Variants in RHCE observed in about 807,000 individuals in gnomAD.
RHCE encodes the protein Rh blood group CcEe antigens, also known as blood group Rh(CE) polypeptide.
A neutral mutation model predicts 43.8 loss-of-function variants in RHCE; 22 were observed. The ratio of observed to expected loss-of-function variants is 0.50; its 90% CI spans 0.36 to 0.72. The LOEUF (loss-of-function observed/expected upper bound fraction) is 0.72, where lower values mean the gene tolerates loss of function less well. Among genes scored for constraint, RHCE ranks in the 30% least tolerant of loss-of-function variants. The probability of loss-of-function intolerance (pLI) is 0.00; values close to 1 mark genes in which losing one functional copy is unlikely to be tolerated. For missense variants in RHCE, 385 were observed against 525.4 expected (o/e 0.73, Z 2.61); for synonymous variants, 156 against 210.7 (o/e 0.74, Z 2.25).
chr1:25,426,332 G>A (rs1480402880), intron 2 of RHCE, among the ~76,000 whole-genome samples: 1 of 152,174 alleles, frequency 6.6e-6, no homozygotes, highest in African/African-American at 2.4e-5. Context: ...ACAAAAATGG[G>A]ATTACACAGC....
chr1:25,406,771 G>A (rs1259658793), intron 2 of RHCE, among the ~76,000 whole-genome samples: 1 of 119,278 alleles, frequency 8.4e-6, no homozygotes, highest in African/African-American at 2.6e-5. Flanking sequence ...GACTACAGGC[G>A]CCCGCCACCA....
intron 4 of RHCE, among the ~76,000 whole-genome samples, chr1:25,391,325 C>T (rs1305514206): frequency 2.0e-5 from 3 of 152,206 alleles, no homozygotes; most frequent in South Asian, 2.1e-4. Flanking sequence ...GCTGGGATTA[C>T]AGGCGTGCAC....
At chr1:25,379,472 TATATATATATATATATATATATA>T (rs1557604913) in intron 7 of RHCE, among the ~76,000 whole-genome samples, 35 of 7,108 alleles carry the variant, frequency 4.9e-3, no homozygotes, top group African/African-American at 0.024. Context: ...TATATATATA[TATATATATATATATATATATATA>T]TTTTTTTTTT....
upstream of RHCE, among the ~76,000 whole-genome samples, chr1:25,422,777 CG>C (rs1421714782): frequency 6.6e-6 from 1 of 152,084 alleles, no homozygotes; most frequent in African/African-American, 2.4e-5. Flanking sequence ...TTCCATGGAC[CG>C]GGGTGAGGTT....
At chr1:25,390,464 G>A (rs1646321761) in intron 5 of RHCE, among the ~76,000 whole-genome samples, 1 of 152,190 alleles carries the variant, frequency 6.6e-6, no homozygotes, top group Non-Finnish European at 1.5e-5. Context: ...ACTGACTTGA[G>A]CAACTAGCAG....
At chr1:25,381,301 G>C (rs1175498650) in intron 7 of RHCE, among the ~76,000 whole-genome samples, 1 of 152,114 alleles carries the variant, frequency 6.6e-6, no homozygotes, top group Non-Finnish European at 1.5e-5. Flanking sequence ...GACCTCATCA[G>C]AATGGCCTTC....
rs1132764 is a variant in RHCE, at chr1:25,390,750, A to G, written c.800T>C (p.Met267Thr). The G allele has an allele frequency of 3.1e-6, 5 of 1,613,838 alleles. No homozygotes were observed. The highest frequency in any genetic ancestry group is 4.2e-6 in the Non-Finnish European group (5 of 1,179,976). ...GCCCAAGGGCAGCGCCCTGCTCACC[A>G]TGCTGATCTTCCTTTGGGGGTGAGC... ...SLAHPQRKIS[M>T]TYVHSAVLAG... is the part of the protein sequence containing the mutation. Residue 267 changes from methionine (M) to threonine (T), a missense_variant and splice_region_variant, in exon 5 of 10, where the codon ATG (methionine) becomes ACG (threonine). By Grantham distance (81) the Met-to-Thr change is moderately conservative. This residue lies in a region of RHCE where 56 missense variants were observed against 90.0 expected (regional missense o/e 0.62). Coordinates refer to ENST00000294413, the MANE Select transcript of RHCE (RefSeq NM_020485.8).
chr1:25,403,321 A>T (rs1428230026), intron 2 of RHCE, among the ~76,000 whole-genome samples: 1 of 151,722 alleles, frequency 6.6e-6, no homozygotes, highest in East Asian at 2.0e-4. Flanking sequence ...CTCCTTCTGC[A>T]AATTAAGAAT....
At chr1:25,424,490 C>T (rs1247959269), upstream of RHCE, among the ~76,000 whole-genome samples, 5 of 152,044 alleles carry the variant, frequency 3.3e-5, no homozygotes, top group South Asian at 2.1e-4. Context: ...CAGGTTCAAG[C>T]GATTCTCCCG....
chr1:25,383,796 G>A (rs1211750857), intron 7 of RHCE, among the ~76,000 whole-genome samples: 1 of 152,134 alleles, frequency 6.6e-6, no homozygotes, highest in Non-Finnish European at 1.5e-5. Flanking sequence ...TCAGTGGGCT[G>A]ATTGTTCTCA....
chr1:25,429,547 A>G (rs1288814333), intron 1 of RHCE, among the ~76,000 whole-genome samples: 1 of 152,232 alleles, frequency 6.6e-6, no homozygotes, highest in East Asian at 1.9e-4. Context: ...GACATTCTGC[A>G]ATATTTTCAG....
chr1:25,386,101 A>G (rs2038110), intron 6 of RHCE, among the ~76,000 whole-genome samples: 12,082 of 152,210 alleles, frequency 0.079, 1,497 homozygotes, highest in African/African-American at 0.27. Context: ...AATGCTGCTC[A>G]TCTACGGACC....
upstream of RHCE, among the ~76,000 whole-genome samples, chr1:25,425,807 C>G (rs2042801289): frequency 6.6e-6 from 1 of 152,240 alleles, no homozygotes; most frequent in Admixed American, 6.5e-5. Flanking sequence ...AGCTCAGTCA[C>G]TGGCAGTGAC....
chr1:25,381,346 C>T (rs575376748), intron 7 of RHCE, among the ~76,000 whole-genome samples: 7 of 152,274 alleles, frequency 4.6e-5, no homozygotes, highest in Middle Eastern at 6.8e-3. Flanking sequence ...CTGATCTCAA[C>T]GACTTCAGTA....
intron 1 of RHCE, among the ~76,000 whole-genome samples, chr1:25,409,862 G>A (rs571990248): frequency 2.6e-5 from 4 of 151,524 alleles, no homozygotes; most frequent in African/African-American, 4.8e-5. Context: ...GCACAGAGGC[G>A]TTATGTAACT....
chr1:25,429,596 C>A (rs1028629176), intron 1 of RHCE, among the ~76,000 whole-genome samples: 1 of 152,134 alleles, frequency 6.6e-6, no homozygotes, highest in Non-Finnish European at 1.5e-5. Flanking sequence ...TGTAAAAATG[C>A]TTATGTTAAA....
intron 1 of RHCE, among the ~76,000 whole-genome samples, chr1:25,416,606 C>T (rs1355842407): frequency 4.6e-5 from 7 of 151,688 alleles, no homozygotes; most frequent in Admixed American, 4.6e-4. Context: ...TACAGTCTCG[C>T]TTCACCTCAA....
In RHCE at chr1:25,380,512, C is replaced by G. The variant is rs1482715493; in HGVS notation, c.1074-5084G>C. ...CCACTAGACCTTGCTCTACTAGGGGCTCTCTGGGGTGGCCGTTCACAGCAC... is the reference window on the plus strand; with the variant it reads ...CCACTAGACCTTGCTCTACTAGGGGGTCTCTGGGGTGGCCGTTCACAGCAC... On this transcript the variant is annotated intron_variant, in intron 7 of 9. Transcript: ENST00000294413. Among the ~76,000 whole-genome samples, 7 of 152,332 alleles carry G rather than the reference C, an allele frequency of 4.6e-5. No individual in the cohort carries two copies. In the East Asian group the frequency reaches 7.7e-4, roughly 17 times the overall value.
intron 1 of RHCE, among the ~76,000 whole-genome samples, chr1:25,414,115 G>A (rs1347951103): frequency 6.6e-6 from 1 of 151,894 alleles, no homozygotes; most frequent in East Asian, 1.9e-4. Context: ...CTGTTACCCC[G>A]TGCCGGCCGC....
Sources: allele counts gnomAD v4.1 joint callset (sites outside exome capture counted in the v4.1 genomes callset), GRCh38; gene constraint gnomAD v4.1.1; regional missense constraint gnomAD v4.1.1; transcripts MANE v1.5; gene names NCBI Gene and HGNC (gene_info 2026-07-23, HGNC 2026-07-21).